Variants in DIAPH2 observed in about 807,000 individuals in gnomAD.
DIAPH2 encodes diaphanous related formin 2, also known as protein diaphanous homolog 2.
A neutral mutation model predicts 92.7 loss-of-function variants in DIAPH2; 35 were observed. That is an observed-to-expected ratio of 0.38 (90% CI 0.29 to 0.50). The LOEUF is 0.50. DIAPH2 is among the 20% of genes least tolerant of loss of function. DIAPH2 has a pLI of 0.94. For synonymous variants in DIAPH2, 301 were observed against 280.4 expected, an observed-to-expected ratio of 1.07 and a Z score of -0.73; for missense variants, 701 against 819.5, an observed-to-expected ratio of 0.86 and a Z score of 1.77.
At chrX:97,279,980 ATGTT>A (rs1420672345) in intron 23 of DIAPH2, among the ~76,000 whole-genome samples, 1 of 111,594 alleles carries the variant, frequency 9.0e-6, no homozygotes, top group Admixed American at 9.6e-5. Context: ...ATATATGGAT[ATGTT>A]TGTTTGTTTT....
intron 3 of DIAPH2, among the ~76,000 whole-genome samples, chrX:96,755,648 A>G (rs778347725): frequency 9.1e-6 from 1 of 110,356 alleles, no homozygotes; most frequent in Non-Finnish European, 1.9e-5. Context: ...GGGAAACTCC[A>G]TCTCAAAAAG....
intron 25 of DIAPH2, among the ~76,000 whole-genome samples, chrX:97,405,104 T>C (rs1032727559): frequency 6.2e-5 from 7 of 112,131 alleles, no homozygotes; most frequent in African/African-American, 1.9e-4. Context: ...TCTCTATCTC[T>C]AAGTATATTA....
chrX:97,457,061 C>T (rs1193614416), intron 26 of DIAPH2, among the ~76,000 whole-genome samples: 1 of 111,977 alleles, frequency 8.9e-6, no homozygotes, highest in African/African-American at 3.2e-5. Flanking sequence ...TGCTCTGTCA[C>T]TCAGGCTGGA....
chrX:97,576,199 G>C (rs1248091215), intron 26 of DIAPH2, among the ~76,000 whole-genome samples: 1 of 111,079 alleles, frequency 9.0e-6, no homozygotes, highest in Admixed American at 9.6e-5. Context: ...ATGATCTGAG[G>C]GTGGAGATTT....
chrX:97,364,036 A>G (rs1281085060), intron 24 of DIAPH2, among the ~76,000 whole-genome samples: 2 of 112,066 alleles, frequency 1.8e-5, no homozygotes, highest in Admixed American at 1.9e-4. Context: ...ATTCAGGACA[A>G]TGCCTTAATT....
chrX:96,976,900 C>T (rs963287285), intron 17 of DIAPH2, among the ~76,000 whole-genome samples: 1 of 110,933 alleles, frequency 9.0e-6, no homozygotes, highest in African/African-American at 3.3e-5. Flanking sequence ...CATATCATAC[C>T]AACCTCATAC....
intron 17 of DIAPH2, among the ~76,000 whole-genome samples, chrX:96,983,890 T>G (rs941166326): frequency 8.9e-6 from 1 of 111,923 alleles, no homozygotes; most frequent in Non-Finnish European, 1.9e-5. Flanking sequence ...AGTTTATATT[T>G]GTGCCTCAGT....
intron 22 of DIAPH2, among the ~76,000 whole-genome samples, chrX:97,225,338 T>C (rs189972793): frequency 5.4e-5 from 6 of 111,534 alleles, no homozygotes; most frequent in African/African-American, 1.9e-4. Context: ...GTTTAGAGGG[T>C]ACCCTTCGTG....
At chrX:97,241,519 C>T (rs989306228) in intron 22 of DIAPH2, among the ~76,000 whole-genome samples, 4 of 110,257 alleles carry the variant, frequency 3.6e-5, no homozygotes, top group Admixed American at 9.7e-5. Flanking sequence ...AGGATGGTCT[C>T]GATCTCCTGA....
intron 26 of DIAPH2, among the ~76,000 whole-genome samples, chrX:97,594,325 A>G (rs1253745344): frequency 8.9e-6 from 1 of 112,181 alleles, no homozygotes; most frequent in Non-Finnish European, 1.9e-5. Context: ...GCCACCTTGC[A>G]GTCATTTCTG....
At chrX:96,729,213 G>A (rs1215157775) in intron 1 of DIAPH2, among the ~76,000 whole-genome samples, 1 of 111,828 alleles carries the variant, frequency 8.9e-6, no homozygotes, top group Admixed American at 9.5e-5. Flanking sequence ...GTGAGCAGAG[G>A]GATGACTTTG....
intron 21 of DIAPH2, among the ~76,000 whole-genome samples, chrX:97,118,850 T>G (rs1003156573): frequency 8.9e-6 from 1 of 112,199 alleles, no homozygotes; most frequent in African/African-American, 3.2e-5. Context: ...ACGTTTTAAC[T>G]TACACTTTTG....
chrX:96,836,100 A>AT lies in DIAPH2; in HGVS notation c.448-45467dup, dbSNP rs67599631. On this transcript the variant is annotated intron_variant, in intron 4 of 26. Transcript: ENST00000324765. Reference sequence around the variant, plus strand: ...GTCACTGTGCCTAGCCAAGCATGGAATTTTTTTTTTTTCATAATTTACATA... The same window carrying AT: ...GTCACTGTGCCTAGCCAAGCATGGAATTTTTTTTTTTTTCATAATTTACATA... Among the ~76,000 whole-genome samples the AT allele has an allele frequency of 2.2e-3, 230 of 104,252 alleles. 1 individual carries two copies. The highest frequency in any genetic ancestry group is 6.8e-3 in the South Asian group (16 of 2,337). The allele number at this position is 104,252 out of a possible 115,157, so 90.5% of individuals were successfully genotyped here. A position where few individuals can be genotyped will look rare whatever the true frequency, so the allele number is the denominator to read the frequency against.
intron 4 of DIAPH2, among the ~76,000 whole-genome samples, chrX:96,794,231 C>T (rs2064522201): frequency 9.0e-6 from 1 of 111,057 alleles, no homozygotes; most frequent in East Asian, 2.8e-4. Flanking sequence ...TAGTTGCCTC[C>T]CCAACGGCCC....
At position 97,604,279 on chromosome X, in the gene DIAPH2, A is replaced by G. The variant is rs1239086815; in HGVS notation, c.*4962A>G. The G allele has an allele frequency of 8.9e-6, 1 of 111,973 alleles. No homozygotes were observed. The highest frequency in any genetic ancestry group is 1.9e-5 in the Non-Finnish European group (1 of 53,186). 9.2% of individuals were successfully genotyped at this position (111,973 alleles called of 1,213,427 possible). A position where few individuals can be genotyped will look rare whatever the true frequency, so the allele number is the denominator to read the frequency against. ...ACACTTGTGACGGGACTTAGGGCCC[A>G]TCCAGATTACCCATGATAATTCCCT... On this transcript the variant is annotated 3_prime_UTR_variant, in exon 27 of 27. Transcript: ENST00000324765.
At chrX:97,158,466 C>T (rs774650516) in intron 22 of DIAPH2, among the ~76,000 whole-genome samples, 5 of 111,826 alleles carry the variant, frequency 4.5e-5, no homozygotes, top group Non-Finnish European at 7.5e-5. Context: ...TGCCAGCTAT[C>T]GAAATGTGCA....
At chrX:97,019,072 C>T (rs1037331477) in intron 17 of DIAPH2, among the ~76,000 whole-genome samples, 2 of 111,544 alleles carry the variant, frequency 1.8e-5, no homozygotes, top group South Asian at 3.8e-4. Flanking sequence ...TTTCTTTTAT[C>T]GTTGAATAAC....
intron 4 of DIAPH2, among the ~76,000 whole-genome samples, chrX:96,845,270 G>A (rs975831234): frequency 4.5e-5 from 5 of 111,515 alleles, no homozygotes; most frequent in Non-Finnish European, 7.5e-5. Context: ...CATGACGTAC[G>A]TCTTCAGAGA....
chrX:97,552,913 C>T (rs1008286044), intron 26 of DIAPH2, among the ~76,000 whole-genome samples: 1 of 111,284 alleles, frequency 9.0e-6, no homozygotes, highest in Non-Finnish European at 1.9e-5. Context: ...TCTTCTGAGC[C>T]CTCTGTCCTT....
Sources: gnomAD v4.1 joint callset for allele counts (sites outside exome capture counted in the v4.1 genomes callset) on GRCh38, gnomAD v4.1.1 for gene constraint, MANE v1.5 for transcripts, NCBI Gene and HGNC (gene_info 2026-07-23, HGNC 2026-07-21) for gene names.